TCF3: variants seen among roughly 807,000 people sequenced by gnomAD.
TCF3 encodes the protein transcription factor E2-alpha.
Under a neutral mutation model 72.3 loss-of-function variants are expected in TCF3, and 54 were observed. The observed-to-expected ratio is 0.75, with a 90% CI of 0.60 to 0.94. The LOEUF is 0.94. Ranked by LOEUF, TCF3 falls within the 40% of genes least tolerant of loss-of-function variation. TCF3 has a pLI of 0.00. For synonymous variants in TCF3, 525 were observed against 412.6 expected (o/e 1.27, Z -3.30); for missense variants, 1,078 against 934.4 (o/e 1.15, Z -2.00).
At chr19:1,648,960 AC>A (rs1158120926) in intron 2 of TCF3, among the ~76,000 whole-genome samples, 3 of 151,920 alleles carry the variant, frequency 2.0e-5, no homozygotes, top group African/African-American at 7.3e-5. Flanking sequence ...CCTTTACAGC[AC>A]CCGTCAGCGG....
In TCF3 at chr19:1,618,073, A is replaced by T. The variant is rs74887222; in HGVS notation, c.1450+1038T>A. On this transcript the variant is annotated intron_variant, in intron 16 of 18. Transcript: ENST00000262965. ...GACCCCACCTTCTCCTGGGCCTCTC[A>T]TGGGTGTCTGAGACACTCAACAATC... is the stretch of plus-strand genomic sequence containing the variant. Among the ~76,000 whole-genome samples the T allele has an allele frequency of 3.9e-3, 599 of 152,150 alleles. 7 individuals are homozygous for T. The highest frequency in any genetic ancestry group is 0.014 in the African/African-American group (573 of 41,470).
rs372168347 is a variant in TCF3, at chr19:1,615,731, G to A, written c.1541C>T (p.Ser514Leu). The A allele has an allele frequency of 8.7e-5, 140 of 1,613,040 alleles. No individual in the cohort carries two copies. Among genetic ancestry groups the A allele is most frequent in the Middle Eastern group, 5.0e-4 (3 of 6,054 alleles). ...CTTCAGCTCCTTCTTCTCCTCCTCC[G>A]AGTGGTCAGCCGCTGACGTGTTCTC... ...DEENTSAADH[S>L]EEEKKELKAP... The change falls in exon 17 of 19, where the codon TCG becomes TTG. Residue 514 changes from serine to leucine, a missense_variant. Ser to Leu is a moderately radical substitution (Grantham distance 145, BLOSUM62 -2). Transcript: ENST00000262965. The surrounding 1 kb of genome is among the most constrained non-coding windows in gnomAD (Gnocchi z 7.3).
intron 3 of TCF3, among the ~76,000 whole-genome samples, chr19:1,634,331 G>A (rs2064109316): frequency 6.6e-6 from 1 of 152,244 alleles, no homozygotes; most frequent in Non-Finnish European, 1.5e-5. Context: ...GTCAGAGTGT[G>A]GTTTTCTGTG....
At chr19:1,645,056 G>A (rs2065881836) in intron 3 of TCF3, among the ~76,000 whole-genome samples, 1 of 152,094 alleles carries the variant, frequency 6.6e-6, no homozygotes. Context: ...TCACGTAGAG[G>A]GGAAGGCCAG....
At chr19:1,618,083 G>A (rs1046797255) in intron 16 of TCF3, among the ~76,000 whole-genome samples, 1 of 152,058 alleles carries the variant, frequency 6.6e-6, no homozygotes, top group African/African-American at 2.4e-5. Context: ...ATGGGTGTCT[G>A]AGACACTCAA....
intron 7 of TCF3, among the ~76,000 whole-genome samples, chr19:1,624,376 C>T (rs1158353624): frequency 6.6e-6 from 1 of 152,130 alleles, no homozygotes; most frequent in African/African-American, 2.4e-5. Context: ...AGCCTGGGGA[C>T]AGAGAAAGAC....
In TCF3 at chr19:1,615,832, C is replaced by CCTAG. The variant is rs749604785; in HGVS notation, c.1451-15_1451-12dup. 4.5e-5 allele frequency: 70 copies of CCTAG among 1,539,538 alleles called. No homozygotes were observed. Among genetic ancestry groups the CCTAG allele is most frequent in the Non-Finnish European group, 6.0e-5 (68 of 1,140,444 alleles). ...CTGCTCGCCCTAGCCCTGCAACAGGCCTAGGGTCAGGGGCCTGCGTCGGCC... is the reference window on the plus strand; with the variant it reads ...CTGCTCGCCCTAGCCCTGCAACAGGCCTAGCTAGGGTCAGGGGCCTGCGTCGGCC... On this transcript the variant is annotated splice_polypyrimidine_tract_variant and intron_variant, in intron 16 of 18. Transcript: ENST00000262965. This position sits in a 1 kb window ranked among gnomAD's most constrained non-coding sequence, Gnocchi z 7.3.
In TCF3 at chr19:1,611,757, C is replaced by CTG; in HGVS notation, c.1913_1914dup (p.Ala639GlnfsTer7). The CTG allele has an allele frequency of 3.1e-6, 5 of 1,613,716 alleles. No homozygotes were observed. The highest frequency in any genetic ancestry group is 3.4e-6 in the Non-Finnish European group (4 of 1,179,954). On this transcript the variant is annotated frameshift_variant, in exon 19 of 19. Coordinates refer to ENST00000262965, the MANE Select transcript of TCF3 (RefSeq NM_003200.5). LOFTEE classifies it low-confidence loss of function (END_TRUNC). ...GCTTCGCTCAGGCCTGGGTGGGGAG[C>CTG]TGAAAGCACCATCTGGGGGTCTCCA...
At chr19:1,623,293 C>A (rs1252651298) in intron 8 of TCF3, among the ~76,000 whole-genome samples, 1 of 151,994 alleles carries the variant, frequency 6.6e-6, no homozygotes, top group African/African-American at 2.4e-5. Context: ...CAGCCTGGAC[C>A]ATCTGCGAGG....
chr19:1,630,971 C>G (rs1396619176), intron 5 of TCF3, among the ~76,000 whole-genome samples: 1 of 152,238 alleles, frequency 6.6e-6, no homozygotes, highest in Non-Finnish European at 1.5e-5. Context: ...TGGAGGAGGG[C>G]GTCCCAGTCA....
rs550547062 is a variant in TCF3, at chr19:1,613,880, G to C, written c.1822+1405C>G. Among the ~76,000 whole-genome samples the C allele has an allele frequency of 2.4e-4, 36 of 152,354 alleles. No individual in the cohort carries two copies. In the East Asian group the frequency reaches 6.6e-3, roughly 28 times the overall value. ...CTGCCACCGTGAATGGTCGCAGTAG[G>C]AGCTCTGAGGTTCCAAGAGCCTGTT... On this transcript the variant is annotated intron_variant, in intron 18 of 18. Transcript: ENST00000262965.
chr19:1,617,230 G>C (rs927272597), intron 16 of TCF3, among the ~76,000 whole-genome samples: 2 of 152,182 alleles, frequency 1.3e-5, no homozygotes, highest in Admixed American at 6.5e-5. Flanking sequence ...TCACACCCTT[G>C]ATCAGCAGGT....
intron 11 of TCF3, among the ~76,000 whole-genome samples, chr19:1,621,595 C>T (rs2062223353): frequency 6.6e-6 from 1 of 152,202 alleles, no homozygotes; most frequent in Non-Finnish European, 1.5e-5. Context: ...GAGTCCCTCT[C>T]TGAGCCTCTT....
chr19:1,611,885 C>A, intron 18 of TCF3, 36 bp from the exon 19 acceptor site: 1 of 1,480,650 alleles, frequency 6.8e-7, no homozygotes, highest in South Asian at 1.3e-5. Context: ...GGGAGACGGT[C>A]CCAGGGAGGA....
chr19:1,650,827 C>G (rs1045074870), intron 1 of TCF3: 2 of 231,622 alleles, frequency 8.6e-6, no homozygotes, highest in African/African-American at 4.4e-5. Flanking sequence ...AGTCAGAAAA[C>G]CACGAAACTC....
intron 3 of TCF3, among the ~76,000 whole-genome samples, chr19:1,634,658 G>C (rs2064160601): frequency 6.6e-6 from 1 of 152,224 alleles, no homozygotes. Flanking sequence ...GAGGGACCGG[G>C]GACTGGTCTT....
In TCF3 at chr19:1,620,883, C is replaced by A. The variant is rs144550260; in HGVS notation, c.1093+85G>T. 5 of 1,312,668 alleles carry A rather than the reference C, an allele frequency of 3.8e-6. No individual in the cohort carries two copies. The African/African-American group carries it at 7.7e-5, about 20-fold the overall frequency. The allele number at this position is 1,312,668 out of a possible 1,614,324, so 81.3% of individuals were successfully genotyped here. A position where few individuals can be genotyped will look rare whatever the true frequency, so the allele number is the denominator to read the frequency against. On this transcript the variant is annotated intron_variant, in intron 13 of 18. Transcript: ENST00000262965. Reference sequence around the variant, plus strand: ...ACACCAGAACCAGCCTCCCCTCCCCCGCAAAGCCTTCACAGACCTCAGCCT... The same window carrying A: ...ACACCAGAACCAGCCTCCCCTCCCCAGCAAAGCCTTCACAGACCTCAGCCT...
At chr19:1,641,437 C>CA (rs1205017058) in intron 3 of TCF3, among the ~76,000 whole-genome samples, 21 of 152,056 alleles carry the variant, frequency 1.4e-4, no homozygotes, top group Admixed American at 1.3e-3. Flanking sequence ...GAGAACACAG[C>CA]AAGACCCCAT....
rs1233575609 is a variant in TCF3, at chr19:1,614,418, G to A, written c.1822+867C>T. Among the ~76,000 whole-genome samples the A allele has an allele frequency of 1.3e-5, 2 of 152,310 alleles. No homozygotes were observed. The highest frequency in any genetic ancestry group is 2.1e-4 in the South Asian group (1 of 4,828). ...CTCCCGGTGCTCGGGCAGCAAGTGC[G>A]AGGTGAGGAGGGGCTGCCACGGGAA... On this transcript the variant is annotated intron_variant, in intron 18 of 18. Transcript: ENST00000262965. This position sits in a 1 kb window ranked among gnomAD's most constrained non-coding sequence, Gnocchi z 5.6.
Sources: gnomAD v4.1 joint callset for allele counts (sites outside exome capture counted in the v4.1 genomes callset) on GRCh38, gnomAD v4.1.1 for gene constraint, Gnocchi (gnomAD v3.1) non-coding constraint, MANE v1.5 for transcripts, NCBI Gene and HGNC (gene_info 2026-07-23, HGNC 2026-07-21) for gene names.